The following KLHL29 variants were observed in gnomAD, a reference collection of about 807,000 sequenced individuals.
The protein encoded by KLHL29 is kelch like family member 29.
KLHL29 carries 21 observed loss-of-function variants against 80.4 expected under a neutral mutation model. That is an observed-to-expected ratio of 0.26 (90% CI 0.19 to 0.38). The LOEUF (loss-of-function observed/expected upper bound fraction) is 0.38, where lower values mean the gene tolerates loss of function less well. Ranked by LOEUF, KLHL29 falls within the 10% of genes least tolerant of loss-of-function variation. KLHL29 has a pLI of 1.00. For synonymous variants in KLHL29, 511 were observed against 526.8 expected, an observed-to-expected ratio of 0.97 and a Z score of 0.41; for missense variants, 867 against 1,223.9, an observed-to-expected ratio of 0.71 and a Z score of 4.35.
intron 3 of KLHL29, among the ~76,000 whole-genome samples, chr2:23,627,910 C>CTTTTTTTTTT (rs10624746): frequency 1.7e-5 from 2 of 120,662 alleles, no homozygotes; most frequent in African/African-American, 6.6e-5. Flanking sequence ...GGCCAGGAGT[C>CTTTTTTTTTT]TTTTTTTTTT....
At chr2:23,633,897 G>C (rs965488205) in intron 3 of KLHL29, among the ~76,000 whole-genome samples, 1 of 152,024 alleles carries the variant, frequency 6.6e-6, no homozygotes, top group Non-Finnish European at 1.5e-5. Flanking sequence ...CTCTCCCCGT[G>C]TTCCCTGGTC....
intron 3 of KLHL29, among the ~76,000 whole-genome samples, chr2:23,618,846 G>A (rs774446153): frequency 1.3e-5 from 2 of 152,156 alleles, no homozygotes; most frequent in Non-Finnish European, 2.9e-5. Flanking sequence ...TGTCCTCTAG[G>A]AGAAGAAAGG....
chr2:23,585,713 G>A (rs1668100915), intron 3 of KLHL29, among the ~76,000 whole-genome samples: 1 of 152,100 alleles, frequency 6.6e-6, no homozygotes, highest in African/African-American at 2.4e-5. Flanking sequence ...CTCACCAAGG[G>A]GAGGGGACCC....
In KLHL29 at chr2:23,707,145, C is replaced by T. The variant is rs1411614776; in HGVS notation, c.*481C>T. 8 of 153,184 alleles carry T rather than the reference C, an allele frequency of 5.2e-5. No individual in the cohort carries two copies. Among genetic ancestry groups the T allele is most frequent in the Non-Finnish European group, 1.0e-4 (7 of 68,750 alleles). 9.5% of individuals were successfully genotyped at this position (153,184 alleles called of 1,614,324 possible). ...TACACTTTCAGTGGCCGACAGAAAA[C>T]GAGGGACAATACTGTGCATCACAAG... On this transcript the variant is annotated 3_prime_UTR_variant, in exon 14 of 14. Coordinates refer to ENST00000486442, the MANE Select transcript of KLHL29 (RefSeq NM_052920.2).
At chr2:23,400,959 A>T (rs1666585719) in intron 1 of KLHL29, among the ~76,000 whole-genome samples, 1 of 152,222 alleles carries the variant, frequency 6.6e-6, no homozygotes, top group African/African-American at 2.4e-5. Context: ...GCTACCTCAT[A>T]TGATAGCATC....
At chr2:23,580,401 C>A (rs1349285295) in intron 3 of KLHL29, among the ~76,000 whole-genome samples, 3 of 132,292 alleles carry the variant, frequency 2.3e-5, no homozygotes, top group Non-Finnish European at 4.9e-5. Flanking sequence ...TTAGGCCAGG[C>A]GCGGTGGCTC....
chr2:23,449,849 G>A (rs1044768012), intron 1 of KLHL29, among the ~76,000 whole-genome samples: 2 of 152,078 alleles, frequency 1.3e-5, no homozygotes, highest in African/African-American at 4.8e-5. Flanking sequence ...AAGCCCTCTG[G>A]AACCCTGCAT....
At chr2:23,527,470 G>A (rs1666362388) in intron 2 of KLHL29, among the ~76,000 whole-genome samples, 1 of 152,240 alleles carries the variant, frequency 6.6e-6, no homozygotes, top group Non-Finnish European at 1.5e-5. Flanking sequence ...CCAGAGCAGG[G>A]AAGGACTGCC....
chr2:23,536,790 T>A (rs1236832490), intron 2 of KLHL29, among the ~76,000 whole-genome samples: 2 of 152,138 alleles, frequency 1.3e-5, no homozygotes, highest in African/African-American at 4.8e-5. Context: ...CTGGTTGATG[T>A]AGATAAGTAG....
chr2:23,630,684 C>T (rs1415211794), intron 3 of KLHL29, among the ~76,000 whole-genome samples: 3 of 152,054 alleles, frequency 2.0e-5, no homozygotes, highest in Non-Finnish European at 4.4e-5. Flanking sequence ...GATGGGGTTT[C>T]ACCATGTTGG....
chr2:23,580,900 C>A (rs1254554263), intron 3 of KLHL29, among the ~76,000 whole-genome samples: 1 of 150,942 alleles, frequency 6.6e-6, no homozygotes, highest in South Asian at 2.1e-4. Flanking sequence ...ATTGCTTGAA[C>A]CCAGGAGGAG....
At chr2:23,421,524 T>TTGTGTGTGTGTGTG (rs57348539) in intron 1 of KLHL29, among the ~76,000 whole-genome samples, 13 of 143,512 alleles carry the variant, frequency 9.1e-5, no homozygotes, top group Admixed American at 9.0e-4. Context: ...TTAGACAAGA[T>TTGTGTGTGTGTGTG]TGTGTGTGTG....
intron 3 of KLHL29, among the ~76,000 whole-genome samples, chr2:23,579,400 C>T (rs569306724): frequency 6.6e-6 from 1 of 152,256 alleles, no homozygotes; most frequent in South Asian, 2.1e-4. Flanking sequence ...ATAAAATTCC[C>T]AGAATGGAGC....
chr2:23,443,001 C>A (rs375008702), intron 1 of KLHL29, among the ~76,000 whole-genome samples: 1 of 152,128 alleles, frequency 6.6e-6, no homozygotes, highest in African/African-American at 2.4e-5. Context: ...GTAGCTGCCA[C>A]GCTGAATGTG....
At chr2:23,445,735 G>A (rs757099929) in intron 1 of KLHL29, among the ~76,000 whole-genome samples, 2 of 152,232 alleles carry the variant, frequency 1.3e-5, no homozygotes, top group African/African-American at 2.4e-5. Context: ...GTGAGAACAC[G>A]TGTCTCCACA....
At chr2:23,417,083 T>A (rs896851052) in intron 1 of KLHL29, among the ~76,000 whole-genome samples, 4 of 152,118 alleles carry the variant, frequency 2.6e-5, no homozygotes, top group Non-Finnish European at 5.9e-5. Flanking sequence ...ACCCCCAACA[T>A]AGAGCTGTTC....
chr2:23,500,008 C>G (rs1400535095), intron 2 of KLHL29, among the ~76,000 whole-genome samples: 9 of 152,114 alleles, frequency 5.9e-5, no homozygotes, highest in African/African-American at 1.2e-4. Context: ...TACGTATGAC[C>G]CTCCTTAGAC....
chr2:23,522,750 G>A (rs112837605), intron 2 of KLHL29, among the ~76,000 whole-genome samples: 10 of 152,190 alleles, frequency 6.6e-5, no homozygotes, highest in African/African-American at 2.2e-4. Flanking sequence ...CTGGACCCCC[G>A]AGCTTTTATT....
intron 2 of KLHL29, among the ~76,000 whole-genome samples, chr2:23,547,427 G>A (rs1667005454): frequency 6.6e-6 from 1 of 152,086 alleles, no homozygotes; most frequent in Non-Finnish European, 1.5e-5. Flanking sequence ...TACTAGCTTT[G>A]TGGCCCCACA....
Sources: allele counts gnomAD v4.1 joint callset (sites outside exome capture counted in the v4.1 genomes callset), GRCh38; gene constraint gnomAD v4.1.1; transcripts MANE v1.5; gene names NCBI Gene and HGNC (gene_info 2026-07-23, HGNC 2026-07-21).